The following TAOK3 variants were observed in gnomAD, a reference collection of about 807,000 sequenced individuals.
The protein encoded by TAOK3 is serine/threonine-protein kinase TAO3.
Under a neutral mutation model 120.4 loss-of-function variants are expected in TAOK3, and 40 were observed. The observed-to-expected ratio is 0.33, with a 90% CI of 0.26 to 0.43. The LOEUF is 0.43. Among genes scored for constraint, TAOK3 ranks in the 20% least tolerant of loss-of-function variants. The probability of loss-of-function intolerance (pLI) is 1.00; values close to 1 mark genes in which losing one functional copy is unlikely to be tolerated. For missense variants in TAOK3, 821 were observed against 1,112.1 expected (o/e 0.74, Z 3.72); for synonymous variants, 355 against 387.5 (o/e 0.92, Z 0.99).
rs143492982 is a variant in TAOK3, at chr12:118,177,402, T to A, written c.1567-73A>T. ...GAATTCAGTGATCTATATTCTCCAG[T>A]GCAGTAAGACAGTCCATGAGTGCTA... is the stretch of plus-strand genomic sequence containing the variant. On this transcript the variant is annotated intron_variant, in intron 15 of 20. Transcript: ENST00000392533. 77 of 1,377,946 alleles carry A rather than the reference T, an allele frequency of 5.6e-5. No individual in the cohort carries two copies. In the East Asian group the frequency reaches 1.8e-3, roughly 31 times the overall value. The allele number at this position is 1,377,946 out of a possible 1,614,324, so 85.4% of individuals were successfully genotyped here.
At chr12:118,367,981 T>C (rs2045786878) in intron 1 of TAOK3, among the ~76,000 whole-genome samples, 2 of 152,178 alleles carry the variant, frequency 1.3e-5, no homozygotes, top group Admixed American at 1.3e-4. Flanking sequence ...TTACACCAAA[T>C]TAGATATCAA....
At chr12:118,238,028 ACAGT>A in intron 7 of TAOK3, 41 bp downstream of exon 7, 1 of 1,318,316 alleles carries the variant, frequency 7.6e-7, no homozygotes, top group Non-Finnish European at 1.1e-6. Flanking sequence ...CCTGGAATAG[ACAGT>A]CCTGCAACTG....
At chr12:118,297,903 A>G (rs939254286) in intron 1 of TAOK3, among the ~76,000 whole-genome samples, 12 of 152,156 alleles carry the variant, frequency 7.9e-5, no homozygotes, top group African/African-American at 2.9e-4. Flanking sequence ...GAAAAATAGT[A>G]ACAATAATGA....
At chr12:118,185,351 C>A (rs2037009524) in intron 14 of TAOK3, among the ~76,000 whole-genome samples, 1 of 152,048 alleles carries the variant, frequency 6.6e-6, no homozygotes, top group South Asian at 2.1e-4. Context: ...GCAGAGTGTC[C>A]CTACTGTGTA....
At chr12:118,223,076 T>C (rs1482039623) in intron 9 of TAOK3, among the ~76,000 whole-genome samples, 4 of 112,334 alleles carry the variant, frequency 3.6e-5, no homozygotes. Context: ...TTTTTTTTTT[T>C]TTTTTTTTTT....
At chr12:118,288,915 C>CAAAAAAAAAAAAAAAAAA (rs34740967) in intron 1 of TAOK3, among the ~76,000 whole-genome samples, 1 of 94,218 alleles carries the variant, frequency 1.1e-5, no homozygotes, top group Non-Finnish European at 2.1e-5. Flanking sequence ...GACTCTATCT[C>CAAAAAAAAAAAAAAAAAA]AAAAAAAAAA....
At chr12:118,364,825 A>G (rs2045699905) in intron 1 of TAOK3, among the ~76,000 whole-genome samples, 1 of 152,150 alleles carries the variant, frequency 6.6e-6, no homozygotes, top group Non-Finnish European at 1.5e-5. Flanking sequence ...GAATTGCTTG[A>G]ATCTGGGAGG....
intron 1 of TAOK3, among the ~76,000 whole-genome samples, chr12:118,276,928 C>A (rs1267320771): frequency 6.6e-6 from 1 of 151,380 alleles, no homozygotes; most frequent in South Asian, 2.1e-4. Context: ...TCACTTAAAC[C>A]CAGGAGACAG....
chr12:118,362,573 G>A (rs900391597), intron 1 of TAOK3, among the ~76,000 whole-genome samples: 7 of 152,094 alleles, frequency 4.6e-5, no homozygotes, highest in Admixed American at 2.0e-4. Flanking sequence ...GTTCACAGTC[G>A]CAAATTGCCT....
At chr12:118,354,390 G>A (rs2045308276) in intron 1 of TAOK3, among the ~76,000 whole-genome samples, 1 of 152,122 alleles carries the variant, frequency 6.6e-6, no homozygotes, top group Non-Finnish European at 1.5e-5. Context: ...CTGGATAAAG[G>A]GATAATTCAT....
intron 14 of TAOK3, 22 bp downstream of exon 14, chr12:118,189,785 G>A: frequency 6.2e-7 from 1 of 1,613,894 alleles, no homozygotes; most frequent in Non-Finnish European, 8.5e-7. Flanking sequence ...AAGGGAAGGT[G>A]GGTAGAGGGG....
At chr12:118,245,114 C>T (rs1297838663) in intron 3 of TAOK3, 149 bp from the exon 4 acceptor site, 4 of 474,806 alleles carry the variant, frequency 8.4e-6, no homozygotes, top group East Asian at 8.3e-5. Flanking sequence ...CTCACTGCAA[C>T]CTCTACCTCT....
chr12:118,163,448 T>TTG (rs1555209281), intron 17 of TAOK3, among the ~76,000 whole-genome samples: 11,574 of 123,508 alleles, frequency 0.094, 560 homozygotes, highest in Admixed American at 0.12. Flanking sequence ...ACTTTTTTTT[T>TTG]GGGGGGGGTG....
chr12:118,290,418 T>C (rs1277674881), intron 1 of TAOK3, among the ~76,000 whole-genome samples: 10 of 152,212 alleles, frequency 6.6e-5, no homozygotes, highest in Non-Finnish European at 1.0e-4. Context: ...AGGGAAATCT[T>C]CCTGACTGTC....
chr12:118,223,681 T>C (rs547377262), intron 9 of TAOK3, among the ~76,000 whole-genome samples: 47 of 149,552 alleles, frequency 3.1e-4, no homozygotes, highest in African/African-American at 1.1e-3. Context: ...TCTCTCTTTG[T>C]CTCCCAGGCT....
At chr12:118,181,693 AT>A in intron 14 of TAOK3, 86 bp from the exon 15 acceptor site, 2 of 1,127,370 alleles carry the variant, frequency 1.8e-6, no homozygotes, top group Non-Finnish European at 2.6e-6. Flanking sequence ...CTGTGGCATA[AT>A]TTTATCCATC....
At chr12:118,280,108 C>G (rs1467999546) in intron 1 of TAOK3, among the ~76,000 whole-genome samples, 3 of 144,446 alleles carry the variant, frequency 2.1e-5, no homozygotes, top group Admixed American at 7.1e-5. Flanking sequence ...TGTCGACAGG[C>G]TGGGGTGCAG....
intron 1 of TAOK3, among the ~76,000 whole-genome samples, chr12:118,324,734 C>CTTTTTTTT (rs35462737): frequency 1.1e-4 from 8 of 69,588 alleles, no homozygotes; most frequent in Non-Finnish European, 1.9e-4. Flanking sequence ...GAATTTCATT[C>CTTTTTTTT]TTTTTTTTTT....
chr12:118,318,807 G>C (rs892560342), intron 1 of TAOK3, among the ~76,000 whole-genome samples: 1 of 152,170 alleles, frequency 6.6e-6, no homozygotes. Flanking sequence ...ATTCACAACA[G>C]CTAAGATAAG....
Sources: allele counts gnomAD v4.1 joint callset (sites outside exome capture counted in the v4.1 genomes callset), GRCh38; gene constraint gnomAD v4.1.1; transcripts MANE v1.5; gene names NCBI Gene and HGNC (gene_info 2026-07-23, HGNC 2026-07-21).